RHD: variants seen among roughly 807,000 people sequenced by gnomAD.
RHD encodes Rh blood group D antigen.
In RHD, 16 loss-of-function variants were observed where a neutral mutation model predicts 45.5. The ratio of observed to expected loss-of-function variants is 0.35; its 90% CI spans 0.24 to 0.53. The LOEUF is 0.53. Ranked by LOEUF, RHD falls within the 20% of genes least tolerant of loss-of-function variation. The pLI, the probability that RHD is intolerant of heterozygous loss-of-function variation, is 0.92. For synonymous variants in RHD, 131 were observed against 217.5 expected (o/e 0.60, Z 3.50); for missense variants, 306 against 532.0 (o/e 0.58, Z 4.18).
chr1:25,310,960 CA>C (rs1375608992), intron 7 of RHD, among the ~76,000 whole-genome samples: 1 of 97,738 alleles, frequency 1.0e-5, no homozygotes, highest in Non-Finnish European at 2.3e-5. Context: ...GCAACAAGAG[CA>C]AAACTCCATC....
chr1:25,280,498 G>A (rs199501691), intron 1 of RHD, among the ~76,000 whole-genome samples: 5 of 127,748 alleles, frequency 3.9e-5, no homozygotes, highest in African/African-American at 1.3e-4. Flanking sequence ...TAGAGACGGG[G>A]TTTCACCATG....
rs562163153 is a variant in RHD, at chr1:25,282,423, C to T, written c.149-2150C>T. ...AATTTTTTTGTAATTTTAGTAGAGA[C>T]GGGGTTTCACCATGTTGGCCAGGCT... On this transcript the variant is annotated intron_variant, in intron 1 of 9. Coordinates refer to ENST00000328664, the MANE Select transcript of RHD (RefSeq NM_016124.6). 1.8e-4 allele frequency among the ~76,000 whole-genome samples: 24 copies of T among 130,392 alleles called. 1 individual carries two copies. The highest frequency in any genetic ancestry group is 6.0e-4 in the African/African-American group (23 of 38,344). 85.5% of individuals were successfully genotyped at this position (130,392 alleles called of 152,430 possible).
In RHD at chr1:25,315,580, T is replaced by A. The variant is rs567193965; in HGVS notation, c.1074-1420T>A. ...GGCGTGATCTCAGCTCACTGCAAAC[T>A]CCACCTCCCAGGTTCACGCCGTTCT... is the stretch of plus-strand genomic sequence containing the variant. On this transcript the variant is annotated intron_variant, in intron 7 of 9. Transcript: ENST00000328664. 4.8e-5 allele frequency among the ~76,000 whole-genome samples: 6 copies of A among 123,796 alleles called. 1 individual carries two copies. The Middle Eastern group carries it at 0.013, about 260-fold the overall frequency. 81.2% of individuals were successfully genotyped at this position (123,796 alleles called of 152,430 possible).
Position 25,301,656 on chromosome 1 carries a change from C to G in RHD, c.771C>G (p.Ser257=). Reference sequence around the variant, plus strand: ...TGGTGACAGCCATCTCAGGGTCATCCTTGGCTCACCCCCAAGGGAAGATCA... The same window carrying G: ...TGGTGACAGCCATCTCAGGGTCATCGTTGGCTCACCCCCAAGGGAAGATCA... ...VSVVTAISGS[S]LAHPQGKISK... The change falls in exon 5 of 10, where the codon TCC becomes TCG. Residue 257 remains serine, a synonymous_variant. Coordinates refer to ENST00000328664, the MANE Select transcript of RHD (RefSeq NM_016124.6). 2 of 1,380,180 alleles carry G rather than the reference C, an allele frequency of 1.4e-6. No homozygotes were observed. Among genetic ancestry groups the G allele is most frequent in the Non-Finnish European group, 2.0e-6 (2 of 979,086 alleles). The allele number at this position is 1,380,180 out of a possible 1,614,324, so 85.5% of individuals were successfully genotyped here.
intron 2 of RHD, among the ~76,000 whole-genome samples, chr1:25,288,017 C>T (rs1299903700): frequency 7.5e-6 from 1 of 132,452 alleles, no homozygotes; most frequent in East Asian, 1.9e-4. Context: ...GCCACTGTGT[C>T]CAGCCTAAAA....
At chr1:25,286,670 C>CA (rs1412897896) in intron 2 of RHD, among the ~76,000 whole-genome samples, 7 of 133,944 alleles carry the variant, frequency 5.2e-5, no homozygotes, top group Admixed American at 5.0e-4. Context: ...CCTGTAGTCC[C>CA]AGCCACTCGG....
chr1:25,286,008 G>C (rs1011644496), intron 2 of RHD, among the ~76,000 whole-genome samples: 2 of 134,854 alleles, frequency 1.5e-5, no homozygotes, highest in African/African-American at 5.1e-5. Context: ...TGGTATACAG[G>C]TAAGGAAGTG....
chr1:25,306,185 G>C (rs1380229203), intron 6 of RHD, among the ~76,000 whole-genome samples: 1 of 131,848 alleles, frequency 7.6e-6, no homozygotes, highest in African/African-American at 2.6e-5. Flanking sequence ...ACACAGTGGG[G>C]TGAGGGCTGC....
In RHD at chr1:25,306,603, G is replaced by C; in HGVS notation, c.947G>C (p.Cys316Ser). ...AATAACACTTGTCCACAGGGGTGTT[G>C]TAACCGAGTGCTGGGGATTCCCCAC... ...VGGAKYLPGCCNRVLGIPHSS... is the reference protein window; with the variant it reads ...VGGAKYLPGCSNRVLGIPHSS... Residue 316 changes from cysteine (C) to serine (S), a missense_variant, in exon 7 of 10, where the codon TGT becomes TCT. Cys to Ser is a moderately radical substitution (Grantham distance 112). Transcript: ENST00000328664. 2 of 1,378,186 alleles carry C rather than the reference G, an allele frequency of 1.5e-6. No homozygotes were observed. The highest frequency in any genetic ancestry group is 2.0e-6 in the Non-Finnish European group (2 of 978,542). 85.4% of individuals were successfully genotyped at this position (1,378,186 alleles called of 1,614,324 possible).
chr1:25,307,371 T>C lies in RHD; in HGVS notation c.1073+642T>C, dbSNP rs1291964955. ...GACACACCAGAGCCCTAGCCATTACTTCCTGGATGTTGTGTGAATATTTTC... is the reference window on the plus strand; with the variant it reads ...GACACACCAGAGCCCTAGCCATTACCTCCTGGATGTTGTGTGAATATTTTC... On this transcript the variant is annotated intron_variant, in intron 7 of 9. Coordinates refer to ENST00000328664, the MANE Select transcript of RHD (RefSeq NM_016124.6). Among the ~76,000 whole-genome samples, 2 of 131,648 alleles carry C rather than the reference T, an allele frequency of 1.5e-5. 1 individual carries two copies. The highest frequency in any genetic ancestry group is 3.6e-5 in the Non-Finnish European group (2 of 55,718). 86.4% of individuals were successfully genotyped at this position (131,648 alleles called of 152,430 possible).
chr1:25,305,892 G>A (rs914937325), intron 6 of RHD, among the ~76,000 whole-genome samples: 2 of 131,352 alleles, frequency 1.5e-5, no homozygotes, highest in East Asian at 2.0e-4. Context: ...ATGAGCCACC[G>A]TGCCCAACCT....
rs1245282935 is a variant in RHD at position 25,320,118 on chromosome 1, G to A, written c.1154-1771G>A. ...TCTCCATGTTGGTCATGCTGGTCTC[G>A]AACTCCTGACCTCAGGTGATCCGCC... On this transcript the variant is annotated intron_variant, in intron 8 of 9. Coordinates refer to ENST00000328664, the MANE Select transcript of RHD (RefSeq NM_016124.6). Among the ~76,000 whole-genome samples the A allele has an allele frequency of 3.1e-5, 4 of 130,792 alleles. 1 individual carries two copies. Among genetic ancestry groups the A allele is most frequent in the Admixed American group, 7.5e-5 (1 of 13,366 alleles). 85.8% of individuals were successfully genotyped at this position (130,792 alleles called of 152,430 possible). A position where few individuals can be genotyped will look rare whatever the true frequency, so the allele number is the denominator to read the frequency against.
At position 25,303,459 on chromosome 1, in the gene RHD, G is replaced by C. The variant is rs200162404; in HGVS notation, c.939G>C (p.Pro313=). 7.3e-7 allele frequency: 1 copy of C among 1,378,852 alleles called. No homozygotes were observed. Among genetic ancestry groups the C allele is most frequent in the South Asian group, 1.2e-5 (1 of 84,850 alleles). 85.4% of individuals were successfully genotyped at this position (1,378,852 alleles called of 1,614,324 possible). The change falls in exon 6 of 10, where the codon CCG becomes CCC. Residue 313 remains proline (P), a splice_region_variant and synonymous_variant. Transcript: ENST00000328664. ...CCGTCGGGGGAGCCAAGTACCTGCCGGTAAGAAACTAGACAACTAACCTCC... is the reference window on the plus strand; with the variant it reads ...CCGTCGGGGGAGCCAAGTACCTGCCCGTAAGAAACTAGACAACTAACCTCC... ...LISVGGAKYL[P]GCCNRVLGIP...
In RHD at chr1:25,301,225, T is replaced by C. The variant is rs1643363968; in HGVS notation, c.634+132T>C. 2.4e-5 allele frequency: 23 copies of C among 944,914 alleles called. 2 individuals are homozygous for C. The highest frequency in any genetic ancestry group is 1.3e-4 in the African/African-American group (8 of 61,740). 58.5% of individuals were successfully genotyped at this position (944,914 alleles called of 1,614,324 possible). On this transcript the variant is annotated intron_variant, in intron 4 of 9. Transcript: ENST00000328664. The stretch of plus-strand genomic sequence containing the variant: ...TCTGAAGCCCTTCCATCATGATTCA[T>C]TTCTTTGAGTAGTGTTTGCTAAATT...
At chr1:25,303,613 T>G (rs1362881640) in intron 6 of RHD, among the ~76,000 whole-genome samples, 154 bp downstream of exon 6, 1 of 130,844 alleles carries the variant, frequency 7.6e-6, no homozygotes. Context: ...CCATCCTGGC[T>G]CGGTGGCGCA....
intron 7 of RHD, 123 bp downstream of exon 7, chr1:25,306,852 A>G: frequency 2.1e-6 from 2 of 958,780 alleles, no homozygotes; most frequent in South Asian, 1.3e-5. Flanking sequence ...GCTTCGGTGA[A>G]TATTTGTTGG....
At chr1:25,298,864 A>T (rs1315027464) in intron 3 of RHD, among the ~76,000 whole-genome samples, 1 of 129,336 alleles carries the variant, frequency 7.7e-6, no homozygotes, top group East Asian at 2.0e-4. Context: ...GAGAAAAGAA[A>T]CACGAAAAGT....
Position 25,300,912 on chromosome 1 carries a change from C to G in RHD, c.487-34C>G, listed in dbSNP as rs1394153489. 3 of 1,370,168 alleles carry G rather than the reference C, an allele frequency of 2.2e-6. 1 individual carries two copies. In the South Asian group the frequency reaches 3.5e-5, roughly 16 times the overall value. The allele number at this position is 1,370,168 out of a possible 1,614,324, so 84.9% of individuals were successfully genotyped here. A position where few individuals can be genotyped will look rare whatever the true frequency, so the allele number is the denominator to read the frequency against. On this transcript the variant is annotated intron_variant, in intron 3 of 9. Coordinates refer to ENST00000328664, the MANE Select transcript of RHD (RefSeq NM_016124.6). ...AGGGCTTGCCCCGGGCAGAGGATGC[C>G]GACACTCACTGCTCTTACTGGGTTT... is the stretch of plus-strand genomic sequence containing the variant.
rs555611450 is a variant in RHD at position 25,282,892 on chromosome 1, C to T, written c.149-1681C>T. ...CCTGGGCAACAGAGAGACTCTGTCT[C>T]GAAAAAAAAAAATTGTCTACATGCT... On this transcript the variant is annotated intron_variant, in intron 1 of 9. Transcript: ENST00000328664. Among the ~76,000 whole-genome samples the T allele has an allele frequency of 4.0e-5, 5 of 125,706 alleles. 2 individuals are homozygous for T. The highest frequency in any genetic ancestry group is 7.7e-5 in the Admixed American group (1 of 12,934). The allele number at this position is 125,706 out of a possible 152,430, so 82.5% of individuals were successfully genotyped here.
Sources: allele counts gnomAD v4.1 joint callset (sites outside exome capture counted in the v4.1 genomes callset), GRCh38; gene constraint gnomAD v4.1.1; transcripts MANE v1.5; gene names NCBI Gene and HGNC (gene_info 2026-07-23, HGNC 2026-07-21).